Variants in GP6 observed in about 807,000 individuals in gnomAD.
GP6 encodes platelet glycoprotein VI.
A neutral mutation model predicts 37.3 loss-of-function variants in GP6; 45 were observed. That is an observed-to-expected ratio of 1.21 (90% CI 0.95 to 1.55). The LOEUF (loss-of-function observed/expected upper bound fraction) is 1.55. Among genes scored for constraint, GP6 ranks in the 40% most tolerant of loss-of-function variants. The probability of loss-of-function intolerance (pLI) is 0.00; values close to 1 mark genes in which losing one functional copy is unlikely to be tolerated. For synonymous variants in GP6, 340 were observed against 316.4 expected (o/e 1.07, Z -0.79); for missense variants, 813 against 760.2 (o/e 1.07, Z -0.82).
Position 55,017,888 on chromosome 19 carries a change from C to G in GP6, c.724+764G>C, listed in dbSNP as rs138304606. Among the ~76,000 whole-genome samples, 1,116 of 123,398 alleles carry G rather than the reference C, an allele frequency of 9.0e-3. 12 individuals are homozygous for G. The highest frequency in any genetic ancestry group is 0.03 in the African/African-American group (1,069 of 35,420). 81.0% of individuals were successfully genotyped at this position (123,398 alleles called of 152,430 possible). A position where few individuals can be genotyped will look rare whatever the true frequency, so the allele number is the denominator to read the frequency against. On this transcript the variant is annotated intron_variant, in intron 6 of 7. Transcript: ENST00000310373. ...GTTCAAGACCAGCCTTCCCAAGATG[C>G]TGAAACCCCGTCTCTACTAAAATAC...
chr19:55,020,399 T>C (rs1287784615), intron 5 of GP6, among the ~76,000 whole-genome samples: 1 of 151,982 alleles, frequency 6.6e-6, no homozygotes. Flanking sequence ...GGCCCCAGTG[T>C]GTGGTGTTCC....
intron 5 of GP6, among the ~76,000 whole-genome samples, chr19:55,024,292 G>GCACGCACACGCA (rs1568612610): frequency 1.2e-5 from 1 of 83,142 alleles, no homozygotes; most frequent in African/African-American, 4.0e-5. Flanking sequence ...ACACACATAT[G>GCACGCACACGCA]CACGCATGCA....
chr19:55,024,560 C>T (rs1291960125), intron 5 of GP6, among the ~76,000 whole-genome samples: 1 of 152,180 alleles, frequency 6.6e-6, no homozygotes, highest in Non-Finnish European at 1.5e-5. Flanking sequence ...GTATGATATT[C>T]TTAAAGTGCA....
chr19:55,031,183 G>A (rs2074547371), intron 3 of GP6, among the ~76,000 whole-genome samples: 2 of 152,188 alleles, frequency 1.3e-5, no homozygotes, highest in African/African-American at 4.8e-5. Context: ...AATGTAAGAT[G>A]TTAACATGAG....
chr19:55,021,050 T>TA lies in GP6; in HGVS notation c.665-2340dup, dbSNP rs60477411. Among the ~76,000 whole-genome samples the TA allele has an allele frequency of 1.1e-3, 117 of 107,704 alleles. 1 individual carries two copies. The highest frequency in any genetic ancestry group is 9.9e-3 in the South Asian group (31 of 3,120). The allele number at this position is 107,704 out of a possible 152,430, so 70.7% of individuals were successfully genotyped here. ...CTGGGTGACAGAGTGAGACTCTGTT[T>TA]AAAAAAAAAAAAAAAAAAAAAAGGT... On this transcript the variant is annotated intron_variant, in intron 5 of 7. Transcript: ENST00000310373.
intron 1 of GP6, among the ~76,000 whole-genome samples, chr19:55,034,726 C>CAT (rs1359333435): frequency 6.6e-6 from 1 of 151,384 alleles, no homozygotes; most frequent in Non-Finnish European, 1.5e-5. Context: ...TACACACACA[C>CAT]ACACACACAC....
chr19:55,037,261 G>A (rs182604692), intron 1 of GP6, among the ~76,000 whole-genome samples: 1 of 152,110 alleles, frequency 6.6e-6, no homozygotes, highest in Non-Finnish European at 1.5e-5. Context: ...CATCCATCAG[G>A]AGACTATTTA....
In GP6 at chr19:55,027,723, C is replaced by G; in HGVS notation, c.465G>C (p.Lys155Asn). 6.2e-7 allele frequency: 1 copy of G among 1,613,956 alleles called. No homozygotes were observed. Among genetic ancestry groups the G allele is most frequent in the Non-Finnish European group, 8.5e-7 (1 of 1,179,808 alleles). Residue 155 changes from lysine to asparagine, a missense_variant, in exon 4 of 8, where the codon AAG (lysine) becomes AAC (asparagine). By Grantham distance (94) the Lys-to-Asn change is moderately conservative. Coordinates refer to ENST00000310373, the MANE Select transcript of GP6 (RefSeq NM_001083899.2). The stretch of plus-strand genomic sequence containing the variant: ...TAGCCCTGTACCATCTCTCGGGATT[C>G]TTGTAGGGCGCAGGGTCCCCTTCCT...
At position 55,034,556 on chromosome 19, in the gene GP6, G is replaced by A. The variant is rs897526418; in HGVS notation, c.35-2018C>T. Among the ~76,000 whole-genome samples, 7 of 149,696 alleles carry A rather than the reference G, an allele frequency of 4.7e-5. 1 individual carries two copies. The highest frequency in any genetic ancestry group is 2.0e-4 in the East Asian group (1 of 5,112). On this transcript the variant is annotated intron_variant, in intron 1 of 7. Transcript: ENST00000310373. ...GGGCAACAGAGCAAGACTCCATCTC[G>A]AGGAAAAAAAAAAATGATATTGCCC...
At chr19:55,031,609 A>T (rs1271399126) in intron 3 of GP6, among the ~76,000 whole-genome samples, 6 of 152,034 alleles carry the variant, frequency 3.9e-5, no homozygotes, top group African/African-American at 1.5e-4. Context: ...TGATTTTTTT[A>T]AAAATTGCAT....
chr19:55,026,746 C>T (rs2074318497), intron 4 of GP6, among the ~76,000 whole-genome samples: 1 of 152,034 alleles, frequency 6.6e-6, no homozygotes, highest in Admixed American at 6.6e-5. Flanking sequence ...ATTGGCCGGG[C>T]ATGGTGGCAG....
Position 55,021,877 on chromosome 19 carries a change from G to A in GP6, c.665-3166C>T, listed in dbSNP as rs146887169. ...TGGTGTGAGATGGTGTCTAAATGTGGTTTTGATTTGCATTTCTCTAATGAT... is the reference window on the plus strand; with the variant it reads ...TGGTGTGAGATGGTGTCTAAATGTGATTTTGATTTGCATTTCTCTAATGAT... On this transcript the variant is annotated intron_variant, in intron 5 of 7. Transcript: ENST00000310373. Among the ~76,000 whole-genome samples the A allele has an allele frequency of 5.2e-3, 794 of 152,176 alleles. 5 individuals carry two copies. Among genetic ancestry groups the A allele is most frequent in the African/African-American group, 0.017 (709 of 41,498 alleles).
At chr19:55,038,130 T>A in intron 1 of GP6, 73 bp downstream of exon 1, 1 of 1,253,050 alleles carries the variant, frequency 8.0e-7, no homozygotes, top group Non-Finnish European at 1.1e-6. Flanking sequence ...CAATGCAAAT[T>A]TCTTAAAAAT....
chr19:55,036,517 A>G (rs961849362), intron 1 of GP6, among the ~76,000 whole-genome samples: 2 of 149,736 alleles, frequency 1.3e-5, no homozygotes, highest in Admixed American at 1.3e-4. Context: ...TGGGCAACAT[A>G]GCGGACCCCC....
chr19:55,015,206 ACCTCCAGGACCC>A, intron 7 of GP6, 41 bp from the exon 8 acceptor site: 1 of 1,548,830 alleles, frequency 6.5e-7, no homozygotes, highest in African/African-American at 1.4e-5. Flanking sequence ...GAAAGAGCCC[ACCTCCAGGACCC>A]CCTCCAAGCC....
chr19:55,014,023 T>G lies in GP6; in HGVS notation c.*59A>C. 1.9e-6 allele frequency: 1 copy of G among 535,272 alleles called. No homozygotes were observed. The highest frequency in any genetic ancestry group is 3.6e-6 in the Non-Finnish European group (1 of 277,906). The allele number at this position is 535,272 out of a possible 1,614,324, so 33.2% of individuals were successfully genotyped here. On this transcript the variant is annotated 3_prime_UTR_variant, in exon 8 of 8. Coordinates refer to ENST00000310373, the MANE Select transcript of GP6 (RefSeq NM_001083899.2). ...TATGATTTTAAAAATGTATACAGAA[T>G]TGTACATATTTATGGGGTGGACAGC...
chr19:55,020,237 C>T (rs1409882672), intron 5 of GP6, among the ~76,000 whole-genome samples: 1 of 149,778 alleles, frequency 6.7e-6, no homozygotes, highest in African/African-American at 2.5e-5. Context: ...AATTTCAGTT[C>T]CAGAATCCAT....
At chr19:55,025,072 C>G in intron 5 of GP6, 146 bp downstream of exon 5, 1 of 702,780 alleles carries the variant, frequency 1.4e-6, no homozygotes, top group Non-Finnish European at 2.6e-6. Context: ...ACCCTGTTTA[C>G]AGGCAGAAAT....
chr19:55,037,662 T>G (rs2074886880), intron 1 of GP6, among the ~76,000 whole-genome samples: 1 of 97,134 alleles, frequency 1.0e-5, no homozygotes, highest in Non-Finnish European at 1.9e-5. Context: ...AGATGGAGGC[T>G]CTCTCTGTTG....
Sources: allele counts gnomAD v4.1 joint callset (sites outside exome capture counted in the v4.1 genomes callset), GRCh38; gene constraint gnomAD v4.1.1; transcripts MANE v1.5; gene names NCBI Gene and HGNC (gene_info 2026-07-23, HGNC 2026-07-21).